The following JKAMP variants were observed in gnomAD, a reference collection of about 807,000 sequenced individuals.
JKAMP encodes JNK1/MAPK8 associated membrane protein, also known as JNK1/MAPK8-associated membrane protein.
In JKAMP, 20 loss-of-function variants were observed where a neutral mutation model predicts 40.2. That is an observed-to-expected ratio of 0.50 (90% CI 0.35 to 0.72). The LOEUF is 0.72. Ranked by LOEUF, JKAMP falls within the 30% of genes least tolerant of loss-of-function variation. The pLI is 0.01. For missense variants in JKAMP, 276 were observed against 373.0 expected (o/e 0.74, Z 2.14); for synonymous variants, 138 against 131.6 (o/e 1.05, Z -0.33).
intron 1 of JKAMP, chr14:59,484,884 TG>T: frequency 7.6e-7 from 1 of 1,316,596 alleles, no homozygotes; most frequent in Non-Finnish European, 1.0e-6. Flanking sequence ...AACACTTGCT[TG>T]AGGGTTGACT....
intron 4 of JKAMP, among the ~76,000 whole-genome samples, chr14:59,497,426 C>G (rs1156784536): frequency 2.0e-5 from 3 of 152,252 alleles, no homozygotes; most frequent in Admixed American, 6.5e-5. Flanking sequence ...GTAATCACTT[C>G]CAGAAACTAG....
At chr14:59,494,121 G>GGGGTGTGT (rs113457640) in intron 3 of JKAMP, among the ~76,000 whole-genome samples, 22 of 151,072 alleles carry the variant, frequency 1.5e-4, no homozygotes, top group South Asian at 4.2e-4. Context: ...AGAAAATTTG[G>GGGGTGTGT]GTGTGTGTGT....
At chr14:59,487,263 C>A (rs1253110) in intron 2 of JKAMP, 1 of 154,074 alleles carries the variant, frequency 6.5e-6, no homozygotes, top group African/African-American at 2.4e-5. Context: ...AGTCATTGTT[C>A]ATGTTGGCAT....
In JKAMP at chr14:59,505,208, C is replaced by A; in HGVS notation, c.*1136C>A. ...ACTCACTTTTCCTGTAGTAGTCTGT[C>A]TTTTGAATTCACAGCAGTTGTATCC... On this transcript the variant is annotated 3_prime_UTR_variant, in exon 7 of 7. Transcript: ENST00000616435. 1.6e-6 allele frequency: 2 copies of A among 1,213,626 alleles called. No homozygotes were observed. The highest frequency in any genetic ancestry group is 1.6e-5 in the South Asian group (1 of 62,714). The allele number at this position is 1,213,626 out of a possible 1,614,324, so 75.2% of individuals were successfully genotyped here.
Position 59,490,454 on chromosome 14 carries a change from G to A in JKAMP, c.251+2626G>A, listed in dbSNP as rs139554103. Among the ~76,000 whole-genome samples the A allele has an allele frequency of 5.9e-5, 9 of 152,328 alleles. No individual in the cohort carries two copies. In the South Asian group the frequency reaches 1.2e-3, roughly 21 times the overall value. On this transcript the variant is annotated intron_variant, in intron 3 of 6. Coordinates refer to ENST00000616435, the MANE Select transcript of JKAMP (RefSeq NM_016475.5). The stretch of plus-strand genomic sequence containing the variant: ...AATCGTTTATTGGTGAAGGTCTGGT[G>A]TATGGAAGTGGCATCATTTGATGTA...
chr14:59,491,082 A>G (rs1301696314), intron 3 of JKAMP, among the ~76,000 whole-genome samples: 1 of 152,242 alleles, frequency 6.6e-6, no homozygotes, highest in Non-Finnish European at 1.5e-5. Flanking sequence ...CAGTTTCCTG[A>G]AATTTTGCAC....
Position 59,493,039 on chromosome 14 carries a change from C to T in JKAMP, c.252-1979C>T, listed in dbSNP as rs1454727107. Among the ~76,000 whole-genome samples the T allele has an allele frequency of 2.6e-5, 4 of 151,730 alleles. No homozygotes were observed. In the East Asian group the frequency reaches 7.8e-4, roughly 30 times the overall value. The stretch of plus-strand genomic sequence containing the variant: ...GGTCTTGATTTCCTGACCTCGTGAT[C>T]CACCCGCCCCGGCCTCCCAAAGTGC... On this transcript the variant is annotated intron_variant, in intron 3 of 6. Transcript: ENST00000616435.
chr14:59,488,820 C>G (rs1890775402), intron 3 of JKAMP, among the ~76,000 whole-genome samples: 1 of 152,232 alleles, frequency 6.6e-6, no homozygotes, highest in Non-Finnish European at 1.5e-5. Flanking sequence ...TGTTACCTAG[C>G]TACCTTCTTT....
chr14:59,496,730 A>AT (rs1308555005), intron 4 of JKAMP, among the ~76,000 whole-genome samples: 2 of 152,146 alleles, frequency 1.3e-5, no homozygotes, highest in African/African-American at 4.8e-5. Flanking sequence ...TGATTAGGAC[A>AT]TTTTTTGTCT....
intron 5 of JKAMP, among the ~76,000 whole-genome samples, chr14:59,499,591 T>G (rs1891720233): frequency 6.6e-6 from 1 of 152,174 alleles, no homozygotes; most frequent in Non-Finnish European, 1.5e-5. Flanking sequence ...GGAGATAAAG[T>G]AGGCAAGCCA....
intron 6 of JKAMP, among the ~76,000 whole-genome samples, chr14:59,501,923 T>C (rs192608082): frequency 6.6e-6 from 1 of 152,308 alleles, no homozygotes; most frequent in Non-Finnish European, 1.5e-5. Context: ...GCCAAAAAAG[T>C]ATCTTTTGAC....
chr14:59,484,997 GCGCC>G, intron 1 of JKAMP: 1 of 1,582,660 alleles, frequency 6.3e-7, no homozygotes, highest in East Asian at 2.2e-5. Context: ...TAGATTTATA[GCGCC>G]CGTCACAAAG....
intron 3 of JKAMP, among the ~76,000 whole-genome samples, chr14:59,493,321 ACAGC>A (rs1891176971): frequency 6.6e-6 from 1 of 152,200 alleles, no homozygotes; most frequent in Non-Finnish European, 1.5e-5. Flanking sequence ...CTTCCAGCTA[ACAGC>A]CAGCACTTAC....
chr14:59,503,942 C>T lies in JKAMP; in HGVS notation c.806C>T (p.Ser269Phe), dbSNP rs1555339797. 6.2e-7 allele frequency: 1 copy of T among 1,613,486 alleles called. No individual in the cohort carries two copies. Among genetic ancestry groups the T allele is most frequent in the Non-Finnish European group, 8.5e-7 (1 of 1,179,480 alleles). Residue 269 changes from serine (S) to phenylalanine (F), a missense_variant, in exon 7 of 7, where the codon TCC becomes TTC. Coordinates refer to ENST00000616435, the MANE Select transcript of JKAMP (RefSeq NM_016475.5). ...LLHAYGIISI[S>F]RVDKLEQDLP... is the part of the protein sequence containing the mutation. ...CATGCCTATGGAATAATCTCCATTT[C>T]CAGAGTGGATAAACTTGAGCAAGAT...
At chr14:59,493,564 A>T (rs898572367) in intron 3 of JKAMP, among the ~76,000 whole-genome samples, 9 of 152,224 alleles carry the variant, frequency 5.9e-5, no homozygotes, top group African/African-American at 1.9e-4. Flanking sequence ...GAAAACTCAA[A>T]ATCACCTATA....
chr14:59,488,259 G>A (rs1438889873), intron 3 of JKAMP, among the ~76,000 whole-genome samples: 1 of 151,882 alleles, frequency 6.6e-6, no homozygotes, highest in Non-Finnish European at 1.5e-5. Flanking sequence ...CATTTACTAA[G>A]CACTGCATTT....
At chr14:59,493,805 GACATCAAGGATT>G (rs1891213728) in intron 3 of JKAMP, among the ~76,000 whole-genome samples, 1 of 152,076 alleles carries the variant, frequency 6.6e-6, no homozygotes, top group South Asian at 2.1e-4. Flanking sequence ...AAATGTACAT[GACATCAAGGATT>G]ATGATCATAT....
In JKAMP at chr14:59,504,022, A is replaced by G. The variant is rs895740332; in HGVS notation, c.886A>G (p.Lys296Glu). The G allele has an allele frequency of 6.2e-7, 1 of 1,613,830 alleles. No homozygotes were observed. Among genetic ancestry groups the G allele is most frequent in the Non-Finnish European group, 8.5e-7 (1 of 1,179,800 alleles). ...AGCCCTTTTTTACTTGTTCACTGCA[A>G]AATTTACCGAACCTTCAAGGATACT... ...TPALFYLFTA[K>E]FTEPSRILSE... The change falls in exon 7 of 7, where the codon AAA becomes GAA. Residue 296 changes from lysine (K) to glutamate (E), a missense_variant. Transcript: ENST00000616435.
intron 3 of JKAMP, among the ~76,000 whole-genome samples, chr14:59,494,365 C>A (rs1254275718): frequency 2.6e-5 from 4 of 152,108 alleles, no homozygotes; most frequent in Non-Finnish European, 4.4e-5. Flanking sequence ...GGAATCCTAA[C>A]ACAATAGCGA....
Sources: allele counts gnomAD v4.1 joint callset (sites outside exome capture counted in the v4.1 genomes callset), GRCh38; gene constraint gnomAD v4.1.1; transcripts MANE v1.5; gene names NCBI Gene and HGNC (gene_info 2026-07-23, HGNC 2026-07-21).